STAG1: variants seen among roughly 807,000 people sequenced by gnomAD.
STAG1 encodes the protein STAG1 cohesin complex component.
Under a neutral mutation model 170.9 loss-of-function variants are expected in STAG1, and 26 were observed. That is an observed-to-expected ratio of 0.15 (90% CI 0.11 to 0.21). STAG1 has a LOEUF of 0.21. Among genes scored for constraint, STAG1 ranks in the 10% least tolerant of loss-of-function variants. The pLI is 1.00. For missense variants in STAG1, 964 were observed against 1,509.5 expected (o/e 0.64, Z 5.99); for synonymous variants, 514 against 497.7 (o/e 1.03, Z -0.44).
At chr3:136,667,795 C>A (rs1432614014) in intron 1 of STAG1, among the ~76,000 whole-genome samples, 2 of 152,012 alleles carry the variant, frequency 1.3e-5, no homozygotes, top group Non-Finnish European at 2.9e-5. Flanking sequence ...TGCCCCTGGC[C>A]CCATTTCTGT....
chr3:136,524,596 C>T lies in STAG1; in HGVS notation c.472-3179G>A, dbSNP rs537122109. On this transcript the variant is annotated intron_variant, in intron 6 of 33. Coordinates refer to ENST00000383202, the MANE Select transcript of STAG1 (RefSeq NM_005862.3). Reference sequence around the variant, plus strand: ...ATTGAATACCCTTTATTTCTTTCTCCTGCCTGACTGCCCTGGCCAGAACTT... The same window carrying T: ...ATTGAATACCCTTTATTTCTTTCTCTTGCCTGACTGCCCTGGCCAGAACTT... Among the ~76,000 whole-genome samples, 460 of 152,228 alleles carry T rather than the reference C, an allele frequency of 3.0e-3. 6 individuals carry two copies. The highest frequency in any genetic ancestry group is 0.011 in the African/African-American group (444 of 41,520).
chr3:136,612,230 T>G (rs1368994749), intron 3 of STAG1, among the ~76,000 whole-genome samples: 2 of 152,162 alleles, frequency 1.3e-5, no homozygotes, highest in African/African-American at 4.8e-5. Context: ...GATTTTTCTA[T>G]TAGGGTTGCT....
chr3:136,588,897 G>A (rs928131197), intron 4 of STAG1, among the ~76,000 whole-genome samples: 2 of 152,104 alleles, frequency 1.3e-5, no homozygotes, highest in Non-Finnish European at 1.5e-5. Context: ...CAAGTAGCTC[G>A]GACTACAGGC....
At chr3:136,522,242 G>A (rs1309310694) in intron 6 of STAG1, among the ~76,000 whole-genome samples, 2 of 152,186 alleles carry the variant, frequency 1.3e-5, no homozygotes, top group Non-Finnish European at 2.9e-5. Context: ...GAGGCCTTGA[G>A]CTCTACTGGA....
chr3:136,711,269 T>C (rs1203721282), intron 1 of STAG1, among the ~76,000 whole-genome samples: 2 of 152,114 alleles, frequency 1.3e-5, no homozygotes, highest in Non-Finnish European at 2.9e-5. Flanking sequence ...GGTTACTCTG[T>C]TTACTTAGGG....
chr3:136,591,140 A>G (rs1215136492), intron 4 of STAG1, among the ~76,000 whole-genome samples: 2 of 151,212 alleles, frequency 1.3e-5, no homozygotes, highest in East Asian at 1.9e-4. Context: ...ACATTTTTAC[A>G]TAATAAAATA....
At chr3:136,462,302 C>G (rs1382177426) in intron 13 of STAG1, among the ~76,000 whole-genome samples, 1 of 152,078 alleles carries the variant, frequency 6.6e-6, no homozygotes, top group Non-Finnish European at 1.5e-5. Flanking sequence ...AAGTGTTCAC[C>G]AGCGTTTGAA....
intron 3 of STAG1, among the ~76,000 whole-genome samples, chr3:136,614,694 T>G (rs1939493451): frequency 6.6e-6 from 1 of 152,224 alleles, no homozygotes; most frequent in African/African-American, 2.4e-5. Flanking sequence ...CCCTGCTGTG[T>G]AGGAAAATAA....
chr3:136,471,933 G>C (rs2107811817), intron 12 of STAG1, among the ~76,000 whole-genome samples: 1 of 152,216 alleles, frequency 6.6e-6, no homozygotes, highest in Admixed American at 6.5e-5. Context: ...GACCTTCTGG[G>C]CTCAAGCGAC....
chr3:136,714,247 C>T (rs975123885), intron 1 of STAG1, among the ~76,000 whole-genome samples: 3 of 152,022 alleles, frequency 2.0e-5, no homozygotes, highest in African/African-American at 4.8e-5. Flanking sequence ...AAAAACAGAA[C>T]GTCAAACCAC....
intron 4 of STAG1, among the ~76,000 whole-genome samples, chr3:136,603,885 T>C (rs1212920993): frequency 6.6e-6 from 1 of 151,600 alleles, no homozygotes; most frequent in African/African-American, 2.4e-5. Context: ...AGACTCTGTC[T>C]CAAAAAAAAA....
chr3:136,629,717 G>A (rs1413455831), intron 2 of STAG1, among the ~76,000 whole-genome samples: 2 of 152,074 alleles, frequency 1.3e-5, no homozygotes, highest in African/African-American at 4.8e-5. Flanking sequence ...TGAAAATAAG[G>A]TATGTAAATG....
At chr3:136,344,410 G>A (rs776587347) in intron 29 of STAG1, among the ~76,000 whole-genome samples, 24 of 152,066 alleles carry the variant, frequency 1.6e-4, no homozygotes, top group African/African-American at 3.9e-4. Flanking sequence ...GGGCCTCGTA[G>A]GGGTCCCAGG....
intron 1 of STAG1, among the ~76,000 whole-genome samples, chr3:136,690,170 G>A (rs1559953332): frequency 6.6e-6 from 1 of 151,408 alleles, no homozygotes; most frequent in Non-Finnish European, 1.5e-5. Context: ...GTGGCTGAAT[G>A]ACATCCAGTA....
intron 21 of STAG1, among the ~76,000 whole-genome samples, chr3:136,401,896 C>A (rs1396748623): frequency 6.6e-6 from 1 of 152,030 alleles, no homozygotes; most frequent in African/African-American, 2.4e-5. Flanking sequence ...AGGCACGTGC[C>A]ACCACGCCTG....
intron 1 of STAG1, among the ~76,000 whole-genome samples, chr3:136,645,322 T>C (rs1303518778): frequency 1.3e-5 from 2 of 152,150 alleles, no homozygotes; most frequent in Non-Finnish European, 2.9e-5. Flanking sequence ...ATGTGAGAGG[T>C]AGGTTTCCTG....
chr3:136,504,251 G>A (rs1933642700), intron 7 of STAG1, among the ~76,000 whole-genome samples: 1 of 151,934 alleles, frequency 6.6e-6, no homozygotes. Context: ...TAAACATCCT[G>A]AAAAAACAAA....
intron 1 of STAG1, among the ~76,000 whole-genome samples, chr3:136,644,112 T>C (rs1940902706): frequency 6.6e-6 from 1 of 152,182 alleles, no homozygotes; most frequent in South Asian, 2.1e-4. Context: ...GGCTAAGTCA[T>C]GACAATGTAC....
chr3:136,580,834 C>A (rs1937577002), intron 4 of STAG1, among the ~76,000 whole-genome samples: 1 of 152,006 alleles, frequency 6.6e-6, no homozygotes. Context: ...CACCCGGCCT[C>A]TTGTATAATT....
Sources: gnomAD v4.1 joint callset for allele counts (sites outside exome capture counted in the v4.1 genomes callset) on GRCh38, gnomAD v4.1.1 for gene constraint, MANE v1.5 for transcripts, NCBI Gene and HGNC (gene_info 2026-07-23, HGNC 2026-07-21) for gene names.